Variants in SCHIP1 observed in about 807,000 individuals in gnomAD.
SCHIP1 encodes schwannomin interacting protein 1, also known as schwannomin-interacting protein 1.
In SCHIP1, 8 loss-of-function variants were observed where a neutral mutation model predicts 29.7. The ratio of observed to expected loss-of-function variants is 0.27; its 90% CI spans 0.16 to 0.49. The LOEUF is 0.49. Among genes scored for constraint, SCHIP1 ranks in the 20% least tolerant of loss-of-function variants. The pLI, the probability that SCHIP1 is intolerant of heterozygous loss-of-function variation, is 0.99. For missense variants in SCHIP1, 193 were observed against 294.6 expected (o/e 0.66, Z 2.52); for synonymous variants, 76 against 94.9 (o/e 0.80, Z 1.16).
the SCHIP1 span, among the ~76,000 whole-genome samples, chr3:159,429,420 T>C: frequency 6.6e-6 from 1 of 152,082 alleles, no homozygotes; most frequent in African/African-American, 2.4e-5. Flanking sequence ...CAGAGAACTT[T>C]ACTTTCCAAA....
At chr3:159,733,008 G>A in the SCHIP1 span, among the ~76,000 whole-genome samples, 416 of 152,266 alleles carry the variant, frequency 2.7e-3, 1 homozygote, top group Non-Finnish European at 4.8e-3. Context: ...TGCAGTAGGA[G>A]ACTAAATAAA....
chr3:159,800,611 G>T, the SCHIP1 span, among the ~76,000 whole-genome samples: 36,702 of 152,066 alleles, frequency 0.24, 4,721 homozygotes, highest in East Asian at 0.45. Context: ...TCCACATGGG[G>T]CCTTTACTGA....
chr3:159,368,352 C>T, the SCHIP1 span, among the ~76,000 whole-genome samples: 8 of 152,186 alleles, frequency 5.3e-5, no homozygotes, highest in African/African-American at 1.9e-4. Context: ...GCTTTCTCCA[C>T]CTCCACCACA....
chr3:159,725,215 C>CA, the SCHIP1 span, among the ~76,000 whole-genome samples: 1 of 151,860 alleles, frequency 6.6e-6, no homozygotes, highest in African/African-American at 2.4e-5. Flanking sequence ...TTTCTAGTTC[C>CA]ACTTGGGAAG....
chr3:159,678,855 C>T, the SCHIP1 span, among the ~76,000 whole-genome samples: 1 of 152,166 alleles, frequency 6.6e-6, no homozygotes, highest in Admixed American at 6.5e-5. Flanking sequence ...GGGGGAAACC[C>T]CTTATAAAAC....
the SCHIP1 span, among the ~76,000 whole-genome samples, chr3:159,795,241 T>C: frequency 8.5e-5 from 13 of 152,326 alleles, no homozygotes; most frequent in Middle Eastern, 3.4e-3. Context: ...GCAGCGCAAC[T>C]AACCTTCCCT....
At chr3:159,302,913 C>T in the SCHIP1 span, among the ~76,000 whole-genome samples, 1 of 152,268 alleles carries the variant, frequency 6.6e-6, no homozygotes, top group East Asian at 1.9e-4. Flanking sequence ...CAAACACTTT[C>T]ATTGTGGCTA....
At chr3:159,778,480 A>G in the SCHIP1 span, among the ~76,000 whole-genome samples, 1 of 152,158 alleles carries the variant, frequency 6.6e-6, no homozygotes, top group African/African-American at 2.4e-5. Flanking sequence ...ATGAACATTT[A>G]CCCAATACTA....
chr3:159,345,932 G>A, the SCHIP1 span, among the ~76,000 whole-genome samples: 1 of 152,136 alleles, frequency 6.6e-6, no homozygotes, highest in Non-Finnish European at 1.5e-5. Flanking sequence ...TTTCACTCAT[G>A]CCTGTAATCC....
chr3:159,314,978 T>A, the SCHIP1 span, among the ~76,000 whole-genome samples: 1 of 152,204 alleles, frequency 6.6e-6, no homozygotes, highest in African/African-American at 2.4e-5. Flanking sequence ...CTAATAGATG[T>A]CTTTTGTTGG....
At chr3:159,626,552 T>C in the SCHIP1 span, among the ~76,000 whole-genome samples, 2 of 152,054 alleles carry the variant, frequency 1.3e-5, 1 homozygote, top group East Asian at 3.9e-4. Context: ...GAATGACCCA[T>C]TATATTATAT....
the SCHIP1 span, among the ~76,000 whole-genome samples, chr3:159,408,279 C>T: frequency 1.3e-5 from 2 of 151,706 alleles, no homozygotes; most frequent in East Asian, 3.9e-4. Flanking sequence ...GCCTGGGCAA[C>T]AGAGCAAGAC....
the SCHIP1 span, among the ~76,000 whole-genome samples, chr3:159,442,414 CAG>C: frequency 6.6e-6 from 1 of 152,120 alleles, no homozygotes; most frequent in Non-Finnish European, 1.5e-5. Context: ...GTTGGAGATC[CAG>C]AGTCTAGGAG....
rs549238098 is a variant in SCHIP1, at chr3:159,856,086, A to G, written c.31-10077A>G. On this transcript the variant is annotated intron_variant, in intron 1 of 6. Transcript: ENST00000445224. Reference sequence around the variant, plus strand: ...AATCCGAGGTGTATGTGTTCAGCCCATTATTTCCCTGCCCTGCTGTGAGCA... The same window carrying G: ...AATCCGAGGTGTATGTGTTCAGCCCGTTATTTCCCTGCCCTGCTGTGAGCA... Among the ~76,000 whole-genome samples the G allele has an allele frequency of 2.6e-5, 4 of 152,328 alleles. No individual in the cohort carries two copies. In the East Asian group the frequency reaches 7.7e-4, roughly 29 times the overall value.
chr3:159,626,089 T>TATAG, the SCHIP1 span, among the ~76,000 whole-genome samples: 4,253 of 98,006 alleles, frequency 0.043, 130 homozygotes, highest in Middle Eastern at 0.058. Flanking sequence ...GTGCAGCTTA[T>TATAG]ATAGATAGAT....
chr3:159,764,663 A>AG, the SCHIP1 span: 23 of 1,597,032 alleles, frequency 1.4e-5, no homozygotes, highest in Non-Finnish European at 2.0e-5. This position sits in a 1 kb window ranked among gnomAD's most constrained non-coding sequence, Gnocchi z 6.1. Flanking sequence ...TGGGCGCCGG[A>AG]GGAGGACGGG....
the SCHIP1 span, among the ~76,000 whole-genome samples, chr3:159,827,632 C>T: frequency 5.9e-5 from 9 of 151,880 alleles, no homozygotes; most frequent in African/African-American, 1.2e-4. Context: ...AGTGAAACCC[C>T]GTCTCTACTA....
At chr3:159,611,852 C>G in the SCHIP1 span, among the ~76,000 whole-genome samples, 1 of 152,098 alleles carries the variant, frequency 6.6e-6, no homozygotes, top group Non-Finnish European at 1.5e-5. Context: ...ACCTGTATTG[C>G]TGGGTTTCAG....
chr3:159,621,243 C>G, the SCHIP1 span, among the ~76,000 whole-genome samples: 1 of 152,190 alleles, frequency 6.6e-6, no homozygotes, highest in Non-Finnish European at 1.5e-5. Flanking sequence ...ATCTGCAAGA[C>G]TTGTACATGT....
Sources: gnomAD v4.1 joint callset for allele counts (sites outside exome capture counted in the v4.1 genomes callset) on GRCh38, gnomAD v4.1.1 for gene constraint, Gnocchi (gnomAD v3.1) non-coding constraint, MANE v1.5 for transcripts, NCBI Gene and HGNC (gene_info 2026-07-23, HGNC 2026-07-21) for gene names.